Variants in ATP13A4 observed in about 807,000 individuals in gnomAD.
ATP13A4 encodes probable cation-transporting ATPase 13A4.
Under a neutral mutation model 142.5 loss-of-function variants are expected in ATP13A4, and 114 were observed. The ratio of observed to expected loss-of-function variants is 0.80; its 90% CI spans 0.69 to 0.93. The LOEUF (loss-of-function observed/expected upper bound fraction) is 0.93. Among genes scored for constraint, ATP13A4 ranks in the 40% least tolerant of loss-of-function variants. The pLI is 0.00. For synonymous variants in ATP13A4, 488 were observed against 514.8 expected (o/e 0.95, Z 0.70); for missense variants, 1,392 against 1,454.0 (o/e 0.96, Z 0.69).
intron 17 of ATP13A4, among the ~76,000 whole-genome samples, chr3:193,453,780 T>G (rs1327687310): frequency 2.0e-5 from 3 of 152,238 alleles, no homozygotes; most frequent in African/African-American, 7.2e-5. Context: ...AATTTCAAAT[T>G]CTGAAACGCT....
At chr3:193,560,876 A>G (rs1036928154) in intron 2 of ATP13A4, among the ~76,000 whole-genome samples, 1 of 152,242 alleles carries the variant, frequency 6.6e-6, no homozygotes, top group African/African-American at 2.4e-5. Flanking sequence ...GCCATAAGAC[A>G]GAAGCAGAAA....
rs552602873 is a variant in ATP13A4 at position 193,483,680 on chromosome 3, C to T, written c.808+256G>A. 2.3e-4 allele frequency among the ~76,000 whole-genome samples: 35 copies of T among 152,056 alleles called. No individual in the cohort carries two copies. The East Asian group carries it at 6.6e-3, about 29-fold the overall frequency. ...AGGGTTTCACCGTGTTAGCCAGGATCGTCTCGATCTCCTGACCTCGTGATC... is the reference window on the plus strand; with the variant it reads ...AGGGTTTCACCGTGTTAGCCAGGATTGTCTCGATCTCCTGACCTCGTGATC... On this transcript the variant is annotated intron_variant, in intron 8 of 29. Coordinates refer to ENST00000342695, the MANE Select transcript of ATP13A4 (RefSeq NM_032279.4).
intron 1 of ATP13A4, among the ~76,000 whole-genome samples, chr3:193,521,001 A>C (rs1721684577): frequency 6.6e-6 from 1 of 152,212 alleles, no homozygotes; most frequent in Non-Finnish European, 1.5e-5. Context: ...TATGGGAAAC[A>C]ATAGAATGAC....
At chr3:193,518,159 A>C (rs1483504095) in intron 1 of ATP13A4, among the ~76,000 whole-genome samples, 2 of 152,222 alleles carry the variant, frequency 1.3e-5, no homozygotes, top group Non-Finnish European at 2.9e-5. Flanking sequence ...GCACTGCAGT[A>C]ATCAGTTGGA....
chr3:193,498,639 C>T (rs1159719304), intron 3 of ATP13A4, among the ~76,000 whole-genome samples: 1 of 152,162 alleles, frequency 6.6e-6, no homozygotes, highest in African/African-American at 2.4e-5. Flanking sequence ...GTCTGCAGTG[C>T]ATTCTGGGCA....
intron 1 of ATP13A4, among the ~76,000 whole-genome samples, chr3:193,543,184 A>G (rs1398064417): frequency 1.3e-5 from 2 of 151,638 alleles, no homozygotes; most frequent in African/African-American, 2.4e-5. Flanking sequence ...AAAAAAGCCT[A>G]GAAGAAAATC....
chr3:193,526,210 A>T (rs902524944), intron 1 of ATP13A4, among the ~76,000 whole-genome samples: 2 of 152,332 alleles, frequency 1.3e-5, no homozygotes, highest in South Asian at 2.1e-4. Context: ...CATGCCTATC[A>T]ATGATAGAGT....
At chr3:193,479,075 T>C (rs1719138367) in intron 8 of ATP13A4, among the ~76,000 whole-genome samples, 1 of 152,148 alleles carries the variant, frequency 6.6e-6, no homozygotes, top group Non-Finnish European at 1.5e-5. Context: ...CATCCCTTTA[T>C]TATTAAAACC....
intron 28 of ATP13A4, among the ~76,000 whole-genome samples, chr3:193,409,070 G>T (rs6444721): frequency 0.29 from 44,501 of 152,062 alleles, 8,548 homozygotes; most frequent in African/African-American, 0.55. Flanking sequence ...AACTGGTAAC[G>T]GGGAATCTAA....
In ATP13A4 at chr3:193,401,753, C is replaced by T. The variant is rs1250949962; in HGVS notation, c.*899G>A. On this transcript the variant is annotated 3_prime_UTR_variant, in exon 30 of 30. Transcript: ENST00000342695. ...GAGTGTTAAAGCCAAGTGTGGGGAC[C>T]TTCTAAGCATGGGGCCCTGTGTAGT... Among the ~76,000 whole-genome samples, 1 of 152,134 alleles carries T rather than the reference C, an allele frequency of 6.6e-6. No individual in the cohort carries two copies.
intron 2 of ATP13A4, among the ~76,000 whole-genome samples, chr3:193,572,013 C>T (rs1195690433): frequency 2.0e-5 from 3 of 152,100 alleles, no homozygotes; most frequent in Non-Finnish European, 4.4e-5. Flanking sequence ...GGAAGCCGCC[C>T]AAGCAGGCAG....
Position 193,467,447 on chromosome 3 carries a change from A to G in ATP13A4, c.983T>C (p.Met328Thr). 1 of 1,613,860 alleles carries G rather than the reference A, an allele frequency of 6.2e-7. No homozygotes were observed. Residue 328 changes from methionine to threonine, a missense_variant, in exon 10 of 30, where the codon ATG (methionine) becomes ACG (threonine). Physicochemically the swap from Met to Thr is moderately conservative, Grantham distance 81 (BLOSUM62 -1). Transcript: ENST00000342695. ...IPVTKTPLPK[M>T]DSSVPWKTQS... Reference sequence around the variant, plus strand: ...TGTTTTCCAGGGCACAGAGCTATCCATCTTGGGTAACGGAGTTTTGGTGAC... The same window carrying G: ...TGTTTTCCAGGGCACAGAGCTATCCGTCTTGGGTAACGGAGTTTTGGTGAC...
intron 25 of ATP13A4, among the ~76,000 whole-genome samples, chr3:193,419,829 C>T (rs1299124357): frequency 1.3e-5 from 2 of 150,094 alleles, no homozygotes; most frequent in Non-Finnish European, 2.9e-5. Flanking sequence ...CATCACTGTG[C>T]TGCTCCCTGT....
chr3:193,592,690 T>C (rs1724863628), intron 1 of ATP13A4, among the ~76,000 whole-genome samples: 1 of 152,238 alleles, frequency 6.6e-6, no homozygotes, highest in Non-Finnish European at 1.5e-5. Context: ...TTTAAGTCCC[T>C]TTCCCATCTG....
intron 12 of ATP13A4, among the ~76,000 whole-genome samples, chr3:193,464,645 T>C (rs1026287558): frequency 2.0e-5 from 3 of 152,186 alleles, no homozygotes; most frequent in Admixed American, 1.3e-4. Context: ...TTTTCGTCTT[T>C]GTATGAAGGT....
At chr3:193,541,065 C>A (rs1240235716) in intron 1 of ATP13A4, among the ~76,000 whole-genome samples, 2 of 151,796 alleles carry the variant, frequency 1.3e-5, no homozygotes, top group Non-Finnish European at 2.9e-5. Context: ...CTGGCTAACA[C>A]GGTGAAACCC....
At chr3:193,590,893 C>T (rs537956764) in intron 1 of ATP13A4, among the ~76,000 whole-genome samples, 3 of 152,190 alleles carry the variant, frequency 2.0e-5, no homozygotes, top group East Asian at 1.9e-4. Context: ...TGTGAACTAC[C>T]GGAGAGGACA....
rs552873826 is a variant in ATP13A4, at chr3:193,422,308, G to C, written c.2843-7558C>G. Among the ~76,000 whole-genome samples the C allele has an allele frequency of 2.7e-5, 4 of 149,778 alleles. No homozygotes were observed. In the East Asian group the frequency reaches 8.2e-4, roughly 31 times the overall value. ...GACTTCAATAACCCACTTTCAACAA[G>C]AGACAGATCAACTAGACATAAAATT... On this transcript the variant is annotated intron_variant, in intron 25 of 29. Transcript: ENST00000342695.
intron 1 of ATP13A4, among the ~76,000 whole-genome samples, chr3:193,587,316 A>C (rs1007263320): frequency 2.0e-5 from 3 of 152,228 alleles, no homozygotes; most frequent in African/African-American, 7.2e-5. Context: ...TGCTTATTCC[A>C]TCTTCTGGTG....
Sources: gnomAD v4.1 joint callset for allele counts (sites outside exome capture counted in the v4.1 genomes callset) on GRCh38, gnomAD v4.1.1 for gene constraint, MANE v1.5 for transcripts, NCBI Gene and HGNC (gene_info 2026-07-23, HGNC 2026-07-21) for gene names.